The following CSMD3 variants were observed in gnomAD, a reference collection of about 807,000 sequenced individuals.
The protein encoded by CSMD3 is CUB and sushi domain-containing protein 3.
CSMD3 carries 177 observed loss-of-function variants against 435.2 expected under a neutral mutation model. The observed-to-expected ratio is 0.41, with a 90% CI of 0.36 to 0.46. The LOEUF (loss-of-function observed/expected upper bound fraction) is 0.46. Among genes scored for constraint, CSMD3 ranks in the 20% least tolerant of loss-of-function variants. The pLI is 0.34. For missense variants in CSMD3, 4,265 were observed against 4,504.6 expected, an observed-to-expected ratio of 0.95 and a Z score of 1.52; for synonymous variants, 1,656 against 1,520.5, an observed-to-expected ratio of 1.09 and a Z score of -2.07.
intron 17 of CSMD3, among the ~76,000 whole-genome samples, chr8:112,658,475 G>C (rs539258988): frequency 9.2e-5 from 14 of 152,108 alleles, no homozygotes; most frequent in Non-Finnish European, 2.1e-4. Flanking sequence ...ATTTAATACT[G>C]TTCAGGAAGC....
At chr8:112,420,464 C>T (rs1047104983) in intron 32 of CSMD3, among the ~76,000 whole-genome samples, 2 of 152,032 alleles carry the variant, frequency 1.3e-5, no homozygotes, top group Non-Finnish European at 2.9e-5. Context: ...TCCGATTTCC[C>T]TGATTTTACC....
intron 5 of CSMD3, among the ~76,000 whole-genome samples, chr8:113,072,904 C>T (rs2089185890): frequency 6.6e-6 from 1 of 151,754 alleles, no homozygotes; most frequent in Admixed American, 6.6e-5. Flanking sequence ...AGCTTCTGTG[C>T]TGGCATTCTT....
chr8:113,204,622 G>A (rs1464695522), intron 3 of CSMD3, among the ~76,000 whole-genome samples: 1 of 152,062 alleles, frequency 6.6e-6, no homozygotes, highest in Non-Finnish European at 1.5e-5. Flanking sequence ...CTCAGCCAGA[G>A]GAACTTTCAG....
intron 4 of CSMD3, among the ~76,000 whole-genome samples, chr8:113,155,564 A>G (rs2091913315): frequency 6.6e-6 from 1 of 152,100 alleles, no homozygotes; most frequent in Non-Finnish European, 1.5e-5. Context: ...AGGGTCAAGT[A>G]TTCAAGGTAA....
At position 113,261,038 on chromosome 8, in the gene CSMD3, T is replaced by C. The variant is rs141952580; in HGVS notation, c.514+17554A>G. On this transcript the variant is annotated intron_variant, in intron 3 of 70. Coordinates refer to ENST00000297405, the MANE Select transcript of CSMD3 (RefSeq NM_198123.2). ...TAAATAGTACTTCAAGAAACATACA[T>C]GTGCATGTGTCTTTACAGTGGAATG... 6.5e-3 allele frequency among the ~76,000 whole-genome samples: 990 copies of C among 152,286 alleles called. 6 individuals are homozygous for C. Among genetic ancestry groups the C allele is most frequent in the Middle Eastern group, 0.017 (5 of 294 alleles).
chr8:112,662,893 C>T (rs2075422109), intron 17 of CSMD3, among the ~76,000 whole-genome samples: 1 of 152,202 alleles, frequency 6.6e-6, no homozygotes, highest in South Asian at 2.1e-4. Flanking sequence ...CAAAAGAAGA[C>T]ATTTATGCAG....
At chr8:112,618,373 T>C (rs1193981982) in intron 22 of CSMD3, among the ~76,000 whole-genome samples, 1 of 151,282 alleles carries the variant, frequency 6.6e-6, no homozygotes, top group East Asian at 1.9e-4. Context: ...GACAGAAGGC[T>C]TATATTTTAA....
chr8:112,499,390 C>T (rs1235909320), intron 30 of CSMD3, among the ~76,000 whole-genome samples: 1 of 151,924 alleles, frequency 6.6e-6, no homozygotes, highest in Non-Finnish European at 1.5e-5. Context: ...TCAATAATTG[C>T]TAGACCGAGC....
At chr8:112,420,335 T>C (rs1237982045) in intron 32 of CSMD3, among the ~76,000 whole-genome samples, 1 of 152,180 alleles carries the variant, frequency 6.6e-6, no homozygotes, top group African/African-American at 2.4e-5. Context: ...TCTTTTTCCA[T>C]AAATGCTTTG....
At chr8:112,929,964 G>A (rs2083053469) in intron 9 of CSMD3, among the ~76,000 whole-genome samples, 1 of 151,794 alleles carries the variant, frequency 6.6e-6, no homozygotes, top group East Asian at 1.9e-4. Flanking sequence ...CATTTTTGTT[G>A]GTATGATCAT....
chr8:112,462,181 T>C (rs2130685765), intron 32 of CSMD3, among the ~76,000 whole-genome samples: 1 of 152,330 alleles, frequency 6.6e-6, no homozygotes, highest in South Asian at 2.1e-4. Context: ...GTTACCATCA[T>C]TGACTTTATG....
chr8:112,990,132 G>A (rs140240156), intron 6 of CSMD3, among the ~76,000 whole-genome samples: 100 of 151,906 alleles, frequency 6.6e-4, no homozygotes, highest in Admixed American at 1.7e-3. Context: ...TCCTTTATAC[G>A]TTACTCAGTC....
chr8:112,557,901 GA>G (rs1471452666), intron 24 of CSMD3, among the ~76,000 whole-genome samples: 1 of 151,970 alleles, frequency 6.6e-6, no homozygotes, highest in African/African-American at 2.4e-5. Context: ...TCGTCAGTCA[GA>G]AATACAAGAG....
intron 32 of CSMD3, among the ~76,000 whole-genome samples, chr8:112,434,771 T>C (rs1015227028): frequency 3.9e-5 from 6 of 152,064 alleles, no homozygotes; most frequent in Admixed American, 2.0e-4. Context: ...CTTTAACAAA[T>C]TCTTTTTCTT....
chr8:112,635,415 G>T (rs911889326), intron 22 of CSMD3, among the ~76,000 whole-genome samples: 16 of 151,762 alleles, frequency 1.1e-4, no homozygotes, highest in Non-Finnish European at 2.4e-4. Context: ...AAGTACCTTC[G>T]AAAACAGTCA....
At chr8:112,437,811 A>G (rs957878542) in intron 32 of CSMD3, among the ~76,000 whole-genome samples, 12 of 152,122 alleles carry the variant, frequency 7.9e-5, no homozygotes, top group Non-Finnish European at 1.8e-4. Context: ...AAAATAGCGA[A>G]TGTTTCAAGC....
At chr8:112,502,995 T>C (rs1018893180) in intron 30 of CSMD3, among the ~76,000 whole-genome samples, 4 of 152,212 alleles carry the variant, frequency 2.6e-5, no homozygotes, top group African/African-American at 9.6e-5. Flanking sequence ...ACAGGCATTC[T>C]AACATAATTC....
intron 50 of CSMD3, among the ~76,000 whole-genome samples, chr8:112,309,104 T>C (rs1014152899): frequency 6.6e-6 from 1 of 151,980 alleles, no homozygotes; most frequent in Non-Finnish European, 1.5e-5. Flanking sequence ...TTAAACTATA[T>C]TTCAACTTTC....
intron 32 of CSMD3, among the ~76,000 whole-genome samples, chr8:112,428,412 T>A (rs765536949): frequency 6.6e-6 from 1 of 152,136 alleles, no homozygotes; most frequent in Non-Finnish European, 1.5e-5. Context: ...CCATGGGAGA[T>A]ATGATCTGGG....
Sources: gnomAD v4.1 joint callset for allele counts (sites outside exome capture counted in the v4.1 genomes callset) on GRCh38, gnomAD v4.1.1 for gene constraint, MANE v1.5 for transcripts, NCBI Gene and HGNC (gene_info 2026-07-23, HGNC 2026-07-21) for gene names.